CNTN5: variants seen among roughly 807,000 people sequenced by gnomAD.
CNTN5 encodes the protein contactin-5.
Under a neutral mutation model 129.1 loss-of-function variants are expected in CNTN5, and 77 were observed. The ratio of observed to expected loss-of-function variants is 0.60; its 90% confidence interval spans 0.50 to 0.72. CNTN5 has a LOEUF of 0.72. CNTN5 is among the 30% of genes least tolerant of loss of function. The pLI, the probability that CNTN5 is intolerant of heterozygous loss-of-function variation, is 0.00. For missense variants in CNTN5, 1,478 were observed against 1,328.8 expected, an observed-to-expected ratio of 1.11 and a Z score of -1.75; for synonymous variants, 509 against 465.6, an observed-to-expected ratio of 1.09 and a Z score of -1.20.
chr11:100,293,543 C>G (rs1951040621), intron 18 of CNTN5, among the ~76,000 whole-genome samples: 1 of 151,592 alleles, frequency 6.6e-6, no homozygotes, highest in Non-Finnish European at 1.5e-5. Flanking sequence ...CGAATCTAAA[C>G]AGAAAATAAT....
chr11:99,644,638 C>T (rs992982851), intron 3 of CNTN5, among the ~76,000 whole-genome samples: 3 of 152,068 alleles, frequency 2.0e-5, no homozygotes, highest in Non-Finnish European at 4.4e-5. Context: ...CCATTTAAAA[C>T]ATGTTTTGCT....
intron 7 of CNTN5, among the ~76,000 whole-genome samples, chr11:99,935,479 A>C (rs1349784): frequency 0.31 from 46,493 of 151,868 alleles, 8,254 homozygotes; most frequent in South Asian, 0.4. Flanking sequence ...TTAATCTCTA[A>C]TCTGATACTA....
chr11:99,867,281 A>G lies in CNTN5; in HGVS notation c.577+22019A>G, dbSNP rs1948381996. On this transcript the variant is annotated intron_variant, in intron 6 of 24. Coordinates refer to ENST00000524871, the MANE Select transcript of CNTN5 (RefSeq NM_014361.4). ...AGCATAAGGATTTGTTCTTAAGTAA[A>G]CATGTATTTATTGAGTACCTACTAT... 3.3e-5 allele frequency among the ~76,000 whole-genome samples: 5 copies of G among 152,170 alleles called. 1 individual carries two copies. Among genetic ancestry groups the G allele is most frequent in the Admixed American group, 3.3e-4 (5 of 15,270 alleles).
At chr11:99,223,561 C>G (rs756329005) in intron 1 of CNTN5, among the ~76,000 whole-genome samples, 4 of 152,056 alleles carry the variant, frequency 2.6e-5, no homozygotes, top group Non-Finnish European at 5.9e-5. Flanking sequence ...TAAGTAGAAT[C>G]ACAGAATCAT....
chr11:100,060,552 T>G (rs954127055), intron 9 of CNTN5, among the ~76,000 whole-genome samples: 1 of 152,106 alleles, frequency 6.6e-6, no homozygotes, highest in African/African-American at 2.4e-5. Context: ...TCCTAACCCT[T>G]TGGTTTGACT....
At chr11:100,190,308 C>T (rs978954992) in intron 13 of CNTN5, among the ~76,000 whole-genome samples, 7 of 151,706 alleles carry the variant, frequency 4.6e-5, no homozygotes, top group Non-Finnish European at 8.8e-5. Context: ...CGGAGTAGGT[C>T]GATGCACTGG....
intron 2 of CNTN5, among the ~76,000 whole-genome samples, chr11:99,372,812 C>T (rs1349970306): frequency 2.0e-5 from 3 of 152,152 alleles, no homozygotes; most frequent in East Asian, 1.9e-4. Context: ...AAATTGCTTA[C>T]GGCATAAAGT....
rs550221099 is a variant in CNTN5, at chr11:99,985,919, C to G, written c.878-16115C>G. Among the ~76,000 whole-genome samples, 3 of 152,304 alleles carry G rather than the reference C, an allele frequency of 2.0e-5. No individual in the cohort carries two copies. In the South Asian group the frequency reaches 6.2e-4, roughly 32 times the overall value. ...AGCTTCCCATGAACTTGTACTCCAT[C>G]CCATCTTAGCCACCCTTTCCTGTGG... On this transcript the variant is annotated intron_variant, in intron 8 of 24. Transcript: ENST00000524871.
intron 1 of CNTN5, among the ~76,000 whole-genome samples, chr11:99,109,658 C>T (rs1372918416): frequency 2.6e-5 from 4 of 151,884 alleles, no homozygotes; most frequent in Admixed American, 6.6e-5. Flanking sequence ...GTAATAGAAC[C>T]ATCGGCATTT....
At chr11:99,664,453 G>A (rs1256536170) in intron 3 of CNTN5, among the ~76,000 whole-genome samples, 2 of 152,098 alleles carry the variant, frequency 1.3e-5, no homozygotes, top group Non-Finnish European at 2.9e-5. Context: ...TTAGGGGCAA[G>A]GGTGCAAGGA....
intron 1 of CNTN5, among the ~76,000 whole-genome samples, chr11:99,305,980 C>G (rs576477453): frequency 8.8e-5 from 12 of 136,158 alleles, no homozygotes; most frequent in Non-Finnish European, 1.8e-4. Context: ...AACTCCGCCT[C>G]AAAAAAAAAA....
At chr11:99,934,440 C>T (rs78825079) in intron 7 of CNTN5, among the ~76,000 whole-genome samples, 9 of 152,100 alleles carry the variant, frequency 5.9e-5, no homozygotes, top group Admixed American at 2.0e-4. Flanking sequence ...TGGAGGTCCA[C>T]GTGCACGTGA....
At chr11:100,227,119 CTT>C (rs534044587) in intron 16 of CNTN5, among the ~76,000 whole-genome samples, 25 of 152,078 alleles carry the variant, frequency 1.6e-4, no homozygotes, top group Non-Finnish European at 3.2e-4. Context: ...GAGCAGTTCA[CTT>C]TGCTCAATGT....
intron 6 of CNTN5, among the ~76,000 whole-genome samples, chr11:99,896,577 C>T (rs763469266): frequency 6.6e-5 from 10 of 152,186 alleles, no homozygotes; most frequent in Non-Finnish European, 8.8e-5. Flanking sequence ...CCACCCCTGC[C>T]TGATCCCTAC....
Position 99,852,922 on chromosome 11 carries a change from T to C in CNTN5, c.577+7660T>C, listed in dbSNP as rs75984798. 1.6e-3 allele frequency among the ~76,000 whole-genome samples: 246 copies of C among 152,300 alleles called. 1 individual carries two copies. Among genetic ancestry groups the C allele is most frequent in the African/African-American group, 5.8e-3 (242 of 41,568 alleles). On this transcript the variant is annotated intron_variant, in intron 6 of 24. Transcript: ENST00000524871. ...GAGATTCCAAAGCACTAAAGAACAA[T>C]AGACATTTTAAATTTCACTTAATTG...
intron 1 of CNTN5, among the ~76,000 whole-genome samples, chr11:99,288,703 A>G (rs938858810): frequency 4.6e-5 from 7 of 151,936 alleles, no homozygotes; most frequent in East Asian, 3.8e-4. Context: ...CAAGTCTCAC[A>G]CTTAACATGA....
intron 3 of CNTN5, among the ~76,000 whole-genome samples, chr11:99,749,258 A>G (rs556294857): frequency 6.6e-6 from 1 of 152,286 alleles, no homozygotes; most frequent in African/African-American, 2.4e-5. Context: ...ACCTATATTC[A>G]GAGAGAGGGG....
intron 23 of CNTN5, among the ~76,000 whole-genome samples, chr11:100,348,184 T>C (rs1236072352): frequency 1.6e-5 from 1 of 61,398 alleles, no homozygotes; most frequent in Non-Finnish European, 3.0e-5. Context: ...CTGGACTCCT[T>C]ACTGTCAATA....
chr11:99,669,197 A>G (rs914043312), intron 3 of CNTN5, among the ~76,000 whole-genome samples: 3 of 152,128 alleles, frequency 2.0e-5, no homozygotes, highest in African/African-American at 7.2e-5. Context: ...AGGTAGACAT[A>G]TGGAGGTTTT....
Sources: allele counts gnomAD v4.1 joint callset (sites outside exome capture counted in the v4.1 genomes callset), GRCh38; gene constraint gnomAD v4.1.1; transcripts MANE v1.5; gene names NCBI Gene and HGNC (gene_info 2026-07-23, HGNC 2026-07-21).